ZNF506: variants seen among roughly 807,000 people sequenced by gnomAD.
ZNF506 encodes zinc finger protein 506.
In ZNF506, 10 loss-of-function variants were observed where a neutral mutation model predicts 11.6. The observed-to-expected ratio is 0.86, with a 90% CI of 0.53 to 1.46. The LOEUF (loss-of-function observed/expected upper bound fraction) is 1.46. ZNF506 is among the 40% of genes most tolerant of loss of function. The pLI is 0.00. For missense variants in ZNF506, 425 were observed against 521.2 expected, an observed-to-expected ratio of 0.82 and a Z score of 1.80; for synonymous variants, 156 against 173.3, an observed-to-expected ratio of 0.90 and a Z score of 0.78.
chr19:19,801,345 A>C (rs2062790976), intron 3 of ZNF506, among the ~76,000 whole-genome samples: 1 of 152,066 alleles, frequency 6.6e-6, no homozygotes, highest in Non-Finnish European at 1.5e-5. Context: ...AAATACAAAA[A>C]TTAGCCAGGC....
chr19:19,821,188 C>A (rs1599532289), intron 1 of ZNF506, among the ~76,000 whole-genome samples: 1 of 152,204 alleles, frequency 6.6e-6, no homozygotes, highest in Admixed American at 6.6e-5. Context: ...GGTGACCCAC[C>A]ACGCCCGGCC....
intron 1 of ZNF506, 46 bp from the exon 2 acceptor site, chr19:19,807,114 G>A: frequency 6.2e-7 from 1 of 1,608,366 alleles, no homozygotes; most frequent in Non-Finnish European, 8.5e-7. Context: ...GCCATGGGTG[G>A]AATTTTTAAT....
intron 3 of ZNF506, among the ~76,000 whole-genome samples, chr19:19,805,746 T>TC (rs1368638071): frequency 6.6e-6 from 1 of 152,152 alleles, no homozygotes; most frequent in Non-Finnish European, 1.5e-5. Context: ...GATTGTGCAG[T>TC]CTCTTATCTG....
At chr19:19,816,370 G>GT (rs1253067150) in intron 1 of ZNF506, among the ~76,000 whole-genome samples, 2 of 151,666 alleles carry the variant, frequency 1.3e-5, no homozygotes, top group Non-Finnish European at 2.9e-5. Flanking sequence ...TTTCGGTGGT[G>GT]TTTTTGAGAT....
chr19:19,819,581 G>GA (rs912264218), intron 1 of ZNF506, among the ~76,000 whole-genome samples: 3 of 152,080 alleles, frequency 2.0e-5, no homozygotes, highest in Admixed American at 6.6e-5. Flanking sequence ...CCCAGGACCA[G>GA]AAAAAAACTG....
chr19:19,806,644 G>A (rs2062837701), intron 2 of ZNF506, among the ~76,000 whole-genome samples: 1 of 152,078 alleles, frequency 6.6e-6, no homozygotes, highest in Admixed American at 6.6e-5. Flanking sequence ...TCAAAAATTG[G>A]TGGTGGCAAT....
At chr19:19,808,217 G>A (rs1460431888) in intron 1 of ZNF506, among the ~76,000 whole-genome samples, 1 of 131,918 alleles carries the variant, frequency 7.6e-6, no homozygotes, top group South Asian at 2.6e-4. Flanking sequence ...TCCGCCTCCC[G>A]GGTTCACACC....
At position 19,816,749 on chromosome 19, in the gene ZNF506, A is replaced by G. The variant is rs184530465; in HGVS notation, c.3+4852T>C. Among the ~76,000 whole-genome samples the G allele has an allele frequency of 6.3e-3, 919 of 145,982 alleles. 10 individuals carry two copies. The highest frequency in any genetic ancestry group is 0.012 in the Middle Eastern group (3 of 258). On this transcript the variant is annotated intron_variant, in intron 1 of 3. Coordinates refer to ENST00000540806, the MANE Select transcript of ZNF506 (RefSeq NM_001099269.3). ...AGGTGATCTGCTCAACTCGGCCTCC[A>G]CAGGCTGAGTGCTGGGATTACAGGC...
At chr19:19,796,345 T>C (rs1267306654) in intron 3 of ZNF506, 1 of 152,144 alleles carries the variant, frequency 6.6e-6, no homozygotes, top group Admixed American at 6.6e-5. Flanking sequence ...AAGAAAAGTA[T>C]TGGCACATAC....
At chr19:19,801,262 G>A (rs1189660360) in intron 3 of ZNF506, among the ~76,000 whole-genome samples, 2 of 151,672 alleles carry the variant, frequency 1.3e-5, no homozygotes, top group East Asian at 1.9e-4. Context: ...AGGCCAAGGC[G>A]GGTGGATTGC....
intron 1 of ZNF506, 119 bp from the exon 2 acceptor site, chr19:19,807,187 C>G: frequency 6.7e-7 from 1 of 1,488,450 alleles, no homozygotes; most frequent in Non-Finnish European, 9.0e-7. Context: ...CTAAAATTAT[C>G]CAATAAAATG....
chr19:19,807,294 T>C (rs1207076995), intron 1 of ZNF506, among the ~76,000 whole-genome samples: 1 of 152,234 alleles, frequency 6.6e-6, no homozygotes, highest in Non-Finnish European at 1.5e-5. Context: ...GATATTTTTC[T>C]AGATAATAAA....
intron 3 of ZNF506, chr19:19,797,113 A>G (rs2062748799): frequency 6.6e-6 from 1 of 152,224 alleles, no homozygotes; most frequent in Non-Finnish European, 1.5e-5. Context: ...AAATTTTCAA[A>G]AGCAACAATA....
intron 3 of ZNF506, chr19:19,795,877 C>A: frequency 1.9e-6 from 1 of 522,158 alleles, no homozygotes. Context: ...GTGTAAAGGG[C>A]TCCAGGTGAG....
At position 19,821,623 on chromosome 19, in the gene ZNF506, C is replaced by G. The variant is rs368617580; in HGVS notation, c.-20G>C. Reference sequence around the variant, plus strand: ...CACCATTTCTAGGCTTCCAGGGGGTCCCGGCGTCCTAGCTGTGACCCTCCT... The same window carrying G: ...CACCATTTCTAGGCTTCCAGGGGGTGCCGGCGTCCTAGCTGTGACCCTCCT... On this transcript the variant is annotated 5_prime_UTR_variant, in exon 1 of 4. Coordinates refer to ENST00000540806, the MANE Select transcript of ZNF506 (RefSeq NM_001099269.3). 16 of 1,613,984 alleles carry G rather than the reference C, an allele frequency of 9.9e-6. No individual in the cohort carries two copies. The highest frequency in any genetic ancestry group is 1.6e-4 in the Middle Eastern group (1 of 6,062).
chr19:19,807,007 T>C lies in ZNF506; in HGVS notation c.65A>G (p.Asp22Gly), dbSNP rs1187552606. The change falls in exon 2 of 4, where the codon GAC becomes GGC. Residue 22 changes from aspartate (D) to glycine (G), a missense_variant. By Grantham distance (94) the Asp-to-Gly change is moderately conservative. Coordinates refer to ENST00000540806, the MANE Select transcript of ZNF506 (RefSeq NM_001099269.3). Reference sequence around the variant, plus strand: ...CCTATATAGATTCCGCTGTGCAGCGTCCAGGCAATGCCACTCCTCCAGAGA... The same window carrying C: ...CCTATATAGATTCCGCTGTGCAGCGCCCAGGCAATGCCACTCCTCCAGAGA... ...EFSLEEWHCL[D>G]AAQRNLYRDV... 6.2e-7 allele frequency: 1 copy of C among 1,614,076 alleles called. No homozygotes were observed.
chr19:19,800,272 G>A (rs2062778795), intron 3 of ZNF506, among the ~76,000 whole-genome samples: 1 of 151,716 alleles, frequency 6.6e-6, no homozygotes, highest in East Asian at 1.9e-4. Context: ...TTTTAAAAGT[G>A]CTAGGAAATG....
rs1383254052 is a variant in ZNF506 at position 19,816,516 on chromosome 19, CCTGG to C, written c.3+5081_3+5084del. ...GGGACTACAGGCACCTGCCACCACG[CCTGG>C]CTAATTTTTTTGTATTTGTAGTAGA... On this transcript the variant is annotated intron_variant, in intron 1 of 3. Coordinates refer to ENST00000540806, the MANE Select transcript of ZNF506 (RefSeq NM_001099269.3). Among the ~76,000 whole-genome samples the C allele has an allele frequency of 2.6e-5, 4 of 152,196 alleles. No homozygotes were observed. In the South Asian group the frequency reaches 8.3e-4, roughly 31 times the overall value.
chr19:19,816,985 G>C (rs1200680676), intron 1 of ZNF506, among the ~76,000 whole-genome samples: 1 of 151,676 alleles, frequency 6.6e-6, no homozygotes, highest in Non-Finnish European at 1.5e-5. Context: ...ATTTTTAGTA[G>C]AGACAGGGTT....
Sources: allele counts gnomAD v4.1 joint callset (sites outside exome capture counted in the v4.1 genomes callset), GRCh38; gene constraint gnomAD v4.1.1; transcripts MANE v1.5; gene names NCBI Gene and HGNC (gene_info 2026-07-23, HGNC 2026-07-21).